The following DAPK2 variants were observed in gnomAD, a reference collection of about 807,000 sequenced individuals.
The protein encoded by DAPK2 is death-associated protein kinase 2.
Under a neutral mutation model 44.1 loss-of-function variants are expected in DAPK2, and 35 were observed. The ratio of observed to expected loss-of-function variants is 0.79; its 90% confidence interval spans 0.61 to 1.05. The LOEUF is 1.05. DAPK2 is among the 50% of genes least tolerant of loss of function. The pLI is 0.00. For missense variants in DAPK2, 453 were observed against 483.2 expected (o/e 0.94, Z 0.59); for synonymous variants, 174 against 182.6 (o/e 0.95, Z 0.38).
chr15:63,911,890 G>A lies in DAPK2; in HGVS notation c.1032+18C>T, dbSNP rs1469843216. 1 of 1,611,532 alleles carries A rather than the reference G, an allele frequency of 6.2e-7. No homozygotes were observed. On this transcript the variant is annotated intron_variant, in intron 10 of 10. Coordinates refer to ENST00000261891, the Ensembl canonical transcript of DAPK2. ...TACCCCAGAATTCTGCCCAAGAAGA[G>A]GGCATGCATTTACCCACCAGGTCCT...
At chr15:64,021,507 G>C (rs920174676) in intron 1 of DAPK2, among the ~76,000 whole-genome samples, 3 of 152,224 alleles carry the variant, frequency 2.0e-5, no homozygotes, top group African/African-American at 7.2e-5. Flanking sequence ...AAGCACAGCT[G>C]ATGGCTTTAC....
chr15:64,036,340 T>TATATATATATAC (rs2080207989), intron 1 of DAPK2, among the ~76,000 whole-genome samples: 7 of 119,750 alleles, frequency 5.8e-5, no homozygotes, highest in African/African-American at 2.0e-4. Context: ...TATATATACA[T>TATATATATATAC]ATATATATAT....
chr15:63,954,998 A>T (rs1045274080), intron 3 of DAPK2, among the ~76,000 whole-genome samples: 4 of 152,170 alleles, frequency 2.6e-5, no homozygotes, highest in Non-Finnish European at 5.9e-5. Context: ...TTACATGTTG[A>T]TTTTGTCTCC....
chr15:63,942,389 T>C (rs1362814144), intron 3 of DAPK2: 1 of 200,924 alleles, frequency 5.0e-6, no homozygotes, highest in Admixed American at 6.5e-5. Context: ...CCATCTCTAC[T>C]ACAAATATAA....
At chr15:64,045,352 G>C (rs2080437263) in intron 1 of DAPK2, among the ~76,000 whole-genome samples, 1 of 152,170 alleles carries the variant, frequency 6.6e-6, no homozygotes, top group Non-Finnish European at 1.5e-5. Flanking sequence ...GCTGTGAAGA[G>C]GCCAAGGCAC....
intron 1 of DAPK2, among the ~76,000 whole-genome samples, chr15:64,007,377 C>A (rs1458058990): frequency 1.3e-5 from 2 of 152,064 alleles, no homozygotes; most frequent in Non-Finnish European, 2.9e-5. Context: ...CAGTTCCCCC[C>A]AGTCTTCCTT....
At chr15:64,035,421 G>T (rs1003654402) in intron 1 of DAPK2, among the ~76,000 whole-genome samples, 2 of 152,090 alleles carry the variant, frequency 1.3e-5, no homozygotes, top group Non-Finnish European at 2.9e-5. Flanking sequence ...AAACAGAAAA[G>T]ACTTCCTTCC....
intron 1 of DAPK2, among the ~76,000 whole-genome samples, chr15:64,029,299 T>G (rs1192713256): frequency 6.6e-6 from 1 of 152,128 alleles, no homozygotes; most frequent in African/African-American, 2.4e-5. Context: ...TAACAATGGG[T>G]GATGAAAGTG....
chr15:64,020,099 C>G lies in DAPK2; in HGVS notation c.92+20071G>C, dbSNP rs2079643162. On this transcript the variant is annotated intron_variant, in intron 1 of 10. Transcript: ENST00000261891. The surrounding 1 kb of genome is among the most constrained non-coding windows in gnomAD (Gnocchi z 4.5). ...TGGCTCTAGATGAGTGATTCCTGCC[C>G]CAGCTGAGTAGACAGCCCATGGCCC... Among the ~76,000 whole-genome samples the G allele has an allele frequency of 6.6e-6, 1 of 152,192 alleles. No individual in the cohort carries two copies. Among genetic ancestry groups the G allele is most frequent in the Non-Finnish European group, 1.5e-5 (1 of 68,036 alleles).
intron 3 of DAPK2, among the ~76,000 whole-genome samples, chr15:63,956,129 G>A (rs889976117): frequency 9.2e-5 from 14 of 152,120 alleles, no homozygotes; most frequent in African/African-American, 3.4e-4. Context: ...AGTTTCCGCA[G>A]TATCAGTTGT....
At chr15:64,023,733 T>G (rs542914966) in intron 1 of DAPK2, among the ~76,000 whole-genome samples, 2 of 152,314 alleles carry the variant, frequency 1.3e-5, no homozygotes, top group East Asian at 3.9e-4. Context: ...GAAATGATGT[T>G]GCTATCTACG....
intron 2 of DAPK2, among the ~76,000 whole-genome samples, chr15:63,982,050 G>C (rs574624148): frequency 3.5e-4 from 53 of 152,322 alleles, no homozygotes; most frequent in Admixed American, 5.9e-4. Flanking sequence ...AAGGATGGCT[G>C]CCTGCTTTAC....
Position 63,922,988 on chromosome 15 carries a change from T to A in DAPK2, c.858+1828A>T, listed in dbSNP as rs1056012276. 15 of 1,535,888 alleles carry A rather than the reference T, an allele frequency of 9.8e-6. No homozygotes were observed. In the East Asian group the frequency reaches 3.7e-4, roughly 38 times the overall value. On this transcript the variant is annotated intron_variant, in intron 8 of 10. Coordinates refer to ENST00000261891, the Ensembl canonical transcript of DAPK2. ...GAGGCTACATCCCGTGGCCTGGATG[T>A]CTTCTCGCAGCAGCTTCTTCAATGA...
intron 3 of DAPK2, among the ~76,000 whole-genome samples, chr15:63,945,734 G>C (rs1257782352): frequency 1.3e-5 from 2 of 152,222 alleles, no homozygotes; most frequent in South Asian, 2.1e-4. Context: ...CCCCCCAACT[G>C]TAAGTCAGGC....
chr15:63,968,190 C>G (rs2078108964), intron 3 of DAPK2, among the ~76,000 whole-genome samples: 1 of 152,248 alleles, frequency 6.6e-6, no homozygotes, highest in Admixed American at 6.5e-5. Context: ...CACATTCTGG[C>G]TCCAGGAAAC....
intron 3 of DAPK2, among the ~76,000 whole-genome samples, chr15:63,952,101 G>A (rs1461279231): frequency 3.9e-5 from 6 of 152,118 alleles, no homozygotes; most frequent in Admixed American, 6.5e-5. Context: ...TTAGCCAGGC[G>A]TGGTGACAGA....
intron 8 of DAPK2, among the ~76,000 whole-genome samples, chr15:63,914,610 T>A (rs2078879281): frequency 6.6e-6 from 1 of 152,162 alleles, no homozygotes; most frequent in Non-Finnish European, 1.5e-5. Flanking sequence ...GGCTTCCCTG[T>A]GCCCTCTATA....
chr15:64,040,186 CGAT>C, exon 1 of DAPK2: 1 of 1,613,946 alleles, frequency 6.2e-7, no homozygotes, highest in East Asian at 2.2e-5. Flanking sequence ...AGCTCCTCTC[CGAT>C]GTCATAAAAG....
intron 8 of DAPK2, among the ~76,000 whole-genome samples, chr15:63,913,078 T>C (rs943555459): frequency 1.3e-5 from 2 of 151,720 alleles, no homozygotes; most frequent in African/African-American, 2.4e-5. Flanking sequence ...AAAAACATTA[T>C]GTTAAATGAA....
Sources: allele counts gnomAD v4.1 joint callset (sites outside exome capture counted in the v4.1 genomes callset), GRCh38; gene constraint gnomAD v4.1.1; non-coding constraint Gnocchi (gnomAD v3.1); transcripts MANE v1.5; gene names NCBI Gene and HGNC (gene_info 2026-07-23, HGNC 2026-07-21).